The following PPARGC1A variants were observed in gnomAD, a reference collection of about 807,000 sequenced individuals.
PPARGC1A encodes the protein PPARG coactivator 1 alpha, also known as peroxisome proliferator-activated receptor gamma coactivator 1-alpha.
Under a neutral mutation model 88.7 loss-of-function variants are expected in PPARGC1A, and 25 were observed. The ratio of observed to expected loss-of-function variants is 0.28; its 90% CI spans 0.21 to 0.39. The LOEUF (loss-of-function observed/expected upper bound fraction) is 0.39. Ranked by LOEUF, PPARGC1A falls within the 10% of genes least tolerant of loss-of-function variation. PPARGC1A has a pLI of 1.00. For missense variants in PPARGC1A, 880 were observed against 968.7 expected (o/e 0.91, Z 1.22); for synonymous variants, 363 against 355.6 (o/e 1.02, Z -0.24).
Position 23,813,095 on chromosome 4 carries a change from G to A in PPARGC1A, c.1824C>T (p.Tyr608=). The stretch of plus-strand genomic sequence containing the variant: ...GAGAATTTCGGTGCGTGCGGTGTCT[G>A]TAGTGGCTTGACTCATAGTAATAGC... ...RSCYYYESSH[Y]RHRTHRNSPL... The change falls in exon 9 of 13, where the codon TAC becomes TAT. Residue 608 remains tyrosine (Y), a synonymous_variant. Coordinates refer to ENST00000264867, the MANE Select transcript of PPARGC1A (RefSeq NM_013261.5). 6.2e-7 allele frequency: 1 copy of A among 1,614,098 alleles called. No homozygotes were observed. The highest frequency in any genetic ancestry group is 1.3e-5 in the African/African-American group (1 of 75,032).
intron 10 of PPARGC1A, among the ~76,000 whole-genome samples, chr4:23,808,032 A>G (rs987597579): frequency 5.9e-5 from 9 of 152,198 alleles, no homozygotes; most frequent in African/African-American, 2.2e-4. Flanking sequence ...TGGGCAGATC[A>G]CGAGGTCAGG....
At chr4:23,810,482 C>T (rs910754342) in intron 10 of PPARGC1A, among the ~76,000 whole-genome samples, 1 of 152,134 alleles carries the variant, frequency 6.6e-6, no homozygotes, top group Non-Finnish European at 1.5e-5. Flanking sequence ...GATTTTGTGT[C>T]ATCTAGACCA....
chr4:24,156,734 CTCT>C, the PPARGC1A span, among the ~76,000 whole-genome samples: 5 of 144,644 alleles, frequency 3.5e-5, no homozygotes, highest in African/African-American at 1.3e-4. Context: ...TTTTCTCTCT[CTCT>C]TTTTTTTTTT....
the PPARGC1A span, among the ~76,000 whole-genome samples, chr4:23,999,349 C>T: frequency 6.6e-6 from 1 of 152,206 alleles, no homozygotes; most frequent in African/African-American, 2.4e-5. Flanking sequence ...AATCGTACAA[C>T]AGCTGTTTAG....
At chr4:23,890,382 T>A (rs61708476), upstream of PPARGC1A, among the ~76,000 whole-genome samples, 135 of 152,246 alleles carry the variant, frequency 8.9e-4, no homozygotes, top group African/African-American at 3.2e-3. Context: ...AATCTTTTTT[T>A]AATTTATTTT....
At chr4:24,203,070 C>A in the PPARGC1A span, among the ~76,000 whole-genome samples, 8 of 152,186 alleles carry the variant, frequency 5.3e-5, no homozygotes, top group Non-Finnish European at 1.2e-4. Context: ...CATAACCAGA[C>A]AGGCAGCTCT....
the PPARGC1A span, among the ~76,000 whole-genome samples, chr4:24,194,756 C>A: frequency 6.6e-6 from 1 of 151,854 alleles, no homozygotes; most frequent in Non-Finnish European, 1.5e-5. Context: ...ATATGAAATG[C>A]CTTTAAAATG....
chr4:24,064,410 T>A, the PPARGC1A span, among the ~76,000 whole-genome samples: 1 of 151,310 alleles, frequency 6.6e-6, no homozygotes, highest in African/African-American at 2.4e-5. Context: ...TAATCCATCA[T>A]GTTAATTGCA....
chr4:23,958,737 G>C, the PPARGC1A span, among the ~76,000 whole-genome samples: 1 of 152,094 alleles, frequency 6.6e-6, no homozygotes, highest in African/African-American at 2.4e-5. Context: ...TCTAGAAAGT[G>C]TTAAGCTTAT....
At chr4:23,888,981 A>G (rs552412981) in intron 1 of PPARGC1A, 35 of 985,296 alleles carry the variant, frequency 3.6e-5, no homozygotes, top group African/African-American at 1.6e-4. Flanking sequence ...AAGTTGCCCA[A>G]ACTTTCCTTC....
At chr4:24,038,304 A>G in the PPARGC1A span, among the ~76,000 whole-genome samples, 1 of 152,190 alleles carries the variant, frequency 6.6e-6, no homozygotes, top group Non-Finnish European at 1.5e-5. Context: ...TGAGATTACT[A>G]TAACTCAGAA....
At chr4:24,043,476 T>G in the PPARGC1A span, among the ~76,000 whole-genome samples, 1 of 152,168 alleles carries the variant, frequency 6.6e-6, no homozygotes, top group Admixed American at 6.5e-5. Flanking sequence ...CCAGGTGAAT[T>G]ACATCCTCAT....
chr4:24,053,662 C>T, the PPARGC1A span, among the ~76,000 whole-genome samples: 3 of 152,276 alleles, frequency 2.0e-5, 1 homozygote, highest in Admixed American at 6.5e-5. Context: ...GAATCTCAGC[C>T]ATTTACTTTG....
the PPARGC1A span, among the ~76,000 whole-genome samples, chr4:24,268,332 T>G: frequency 6.6e-6 from 1 of 152,332 alleles, no homozygotes; most frequent in Non-Finnish European, 1.5e-5. Context: ...TCAATCAGCA[T>G]CCAGTCAGCT....
the PPARGC1A span, among the ~76,000 whole-genome samples, chr4:23,942,432 C>A: frequency 6.6e-6 from 1 of 152,164 alleles, no homozygotes; most frequent in East Asian, 1.9e-4. Context: ...GAATTTTTGT[C>A]TGTTTTGCTC....
chr4:24,429,651 A>ATTTTTT, the PPARGC1A span, among the ~76,000 whole-genome samples: 3 of 132,240 alleles, frequency 2.3e-5, no homozygotes, highest in Non-Finnish European at 3.2e-5. Context: ...GACAGTGAGA[A>ATTTTTT]TTTTTTTTTT....
the PPARGC1A span, among the ~76,000 whole-genome samples, chr4:24,088,316 C>T: frequency 9.9e-5 from 15 of 151,774 alleles, no homozygotes; most frequent in Non-Finnish European, 2.1e-4. Flanking sequence ...GATTGTGTCA[C>T]TGCACTCCAG....
At chr4:23,810,604 AAC>A (rs1389567255) in intron 10 of PPARGC1A, among the ~76,000 whole-genome samples, 2 of 152,188 alleles carry the variant, frequency 1.3e-5, no homozygotes, top group African/African-American at 4.8e-5. Flanking sequence ...GCATAAAATA[AAC>A]ACATCATTTA....
chr4:24,215,504 C>T, the PPARGC1A span, among the ~76,000 whole-genome samples: 2 of 152,148 alleles, frequency 1.3e-5, no homozygotes, highest in African/African-American at 4.8e-5. Flanking sequence ...TAATGACTTG[C>T]TTAATCACAC....
Sources: allele counts gnomAD v4.1 joint callset (sites outside exome capture counted in the v4.1 genomes callset), GRCh38; gene constraint gnomAD v4.1.1; transcripts MANE v1.5; gene names NCBI Gene and HGNC (gene_info 2026-07-23, HGNC 2026-07-21).